Variants in PCDH11X observed in about 807,000 individuals in gnomAD.
PCDH11X encodes protocadherin-11 X-linked.
Under a neutral mutation model 53.3 loss-of-function variants are expected in PCDH11X, and 18 were observed. The ratio of observed to expected loss-of-function variants is 0.34; its 90% CI spans 0.23 to 0.50. The LOEUF (loss-of-function observed/expected upper bound fraction) is 0.50, where lower values mean the gene tolerates loss of function less well. PCDH11X is among the 20% of genes least tolerant of loss of function. The probability of loss-of-function intolerance (pLI) is 0.98; values close to 1 mark genes in which losing one functional copy is unlikely to be tolerated. For missense variants in PCDH11X, 570 were observed against 1,032.4 expected, an observed-to-expected ratio of 0.55 and a Z score of 6.14; for synonymous variants, 279 against 393.3, an observed-to-expected ratio of 0.71 and a Z score of 3.44.
intron 10 of PCDH11X, among the ~76,000 whole-genome samples, chrX:92,550,906 T>C (rs1440408699): frequency 9.2e-6 from 1 of 109,059 alleles, no homozygotes; most frequent in East Asian, 2.9e-4. Flanking sequence ...TATTGTTGCA[T>C]ATGACTGGAT....
intron 7 of PCDH11X, among the ~76,000 whole-genome samples, chrX:92,211,276 G>C (rs1447671971): frequency 1.8e-5 from 2 of 111,422 alleles, no homozygotes; most frequent in Non-Finnish European, 3.8e-5. Context: ...GGTGGGAGCA[G>C]GAGGAAGAGA....
At chrX:92,311,240 A>C (rs1376561037) in intron 8 of PCDH11X, among the ~76,000 whole-genome samples, 7 of 109,902 alleles carry the variant, frequency 6.4e-5, no homozygotes, top group Non-Finnish European at 1.3e-4. Flanking sequence ...TCTGCTTTCA[A>C]GTCAGTTTTA....
chrX:92,504,703 G>T (rs2074019007), intron 10 of PCDH11X, among the ~76,000 whole-genome samples: 1 of 112,194 alleles, frequency 8.9e-6, no homozygotes, highest in African/African-American at 3.2e-5. Flanking sequence ...TTTCCTTTAA[G>T]TTCTTTGGGA....
intron 6 of PCDH11X, among the ~76,000 whole-genome samples, chrX:91,902,697 C>G (rs950214757): frequency 9.2e-6 from 1 of 109,125 alleles, no homozygotes; most frequent in African/African-American, 3.3e-5. Flanking sequence ...ACTTCAAGCT[C>G]TACTCGCTCT....
At chrX:92,588,443 A>G (rs1421987353) in intron 10 of PCDH11X, among the ~76,000 whole-genome samples, 1 of 103,503 alleles carries the variant, frequency 9.7e-6, no homozygotes. Context: ...TATACATATA[A>G]TTTAACAAAG....
At chrX:92,192,228 G>T (rs1603146091) in intron 6 of PCDH11X, among the ~76,000 whole-genome samples, 1 of 112,505 alleles carries the variant, frequency 8.9e-6, no homozygotes, top group East Asian at 2.8e-4. Flanking sequence ...ACTCATAATT[G>T]TAATAGCCGC....
At chrX:92,347,576 C>T (rs2069931914) in intron 8 of PCDH11X, among the ~76,000 whole-genome samples, 1 of 111,691 alleles carries the variant, frequency 9.0e-6, no homozygotes, top group African/African-American at 3.3e-5. Flanking sequence ...TTCAGAGACA[C>T]TCTAAACCAT....
At chrX:92,282,478 C>T (rs940228149) in intron 8 of PCDH11X, among the ~76,000 whole-genome samples, 6 of 111,626 alleles carry the variant, frequency 5.4e-5, no homozygotes, top group African/African-American at 1.6e-4. Context: ...AAGCCTATAT[C>T]GTTCAGCTAT....
intron 6 of PCDH11X, among the ~76,000 whole-genome samples, chrX:91,930,596 A>G (rs1478442914): frequency 3.7e-5 from 4 of 107,926 alleles, no homozygotes; most frequent in African/African-American, 6.7e-5. Flanking sequence ...TCAGAAAAAA[A>G]AAACTTTGGG....
intron 10 of PCDH11X, among the ~76,000 whole-genome samples, chrX:92,515,948 G>T (rs761170040): frequency 8.9e-6 from 1 of 111,865 alleles, no homozygotes; most frequent in South Asian, 3.7e-4. Flanking sequence ...TTGTTCTCTT[G>T]CAATGTTATA....
intron 8 of PCDH11X, among the ~76,000 whole-genome samples, chrX:92,318,121 A>G (rs2069120599): frequency 1.8e-5 from 2 of 111,623 alleles, no homozygotes; most frequent in Non-Finnish European, 3.8e-5. Context: ...GTCAAATCAA[A>G]TTTGCACCAC....
intron 8 of PCDH11X, among the ~76,000 whole-genome samples, chrX:92,352,514 T>C (rs1373493164): frequency 9.0e-6 from 1 of 111,542 alleles, no homozygotes; most frequent in Non-Finnish European, 1.9e-5. Flanking sequence ...TTAGTTTGGA[T>C]CTATTGCTGG....
In PCDH11X at chrX:92,045,801, G is replaced by A. The variant is rs150011936; in HGVS notation, c.3034-155574G>A. Among the ~76,000 whole-genome samples, 735 of 109,181 alleles carry A rather than the reference G, an allele frequency of 6.7e-3. 24 individuals carry two copies. The highest frequency in any genetic ancestry group is 0.061 in the Admixed American group (606 of 9,930). The allele number at this position is 109,181 out of a possible 115,157, so 94.8% of individuals were successfully genotyped here. A position where few individuals can be genotyped will look rare whatever the true frequency, so the allele number is the denominator to read the frequency against. On this transcript the variant is annotated intron_variant, in intron 6 of 10. Coordinates refer to ENST00000682573, the MANE Select transcript of PCDH11X (RefSeq NM_032968.5). ...CTAAAAATACAAAAATCAGCCAGGC[G>A]TAGTGGTGTGTGCCTGTAATTCCAG...
chrX:91,914,704 A>C lies in PCDH11X; in HGVS notation c.3033+35431A>C, dbSNP rs185414785. On this transcript the variant is annotated intron_variant, in intron 6 of 10. Transcript: ENST00000682573. ...AATAAACCCAATCACACAAAGACAA[A>C]GAAAATAATTTTTAAATGAACAAAG... Among the ~76,000 whole-genome samples, 616 of 112,122 alleles carry C rather than the reference A, an allele frequency of 5.5e-3. 4 individuals are homozygous for C. Among genetic ancestry groups the C allele is most frequent in the African/African-American group, 0.019 (583 of 30,871 alleles).
intron 6 of PCDH11X, among the ~76,000 whole-genome samples, chrX:92,099,766 T>A (rs1384789550): frequency 9.0e-6 from 1 of 111,618 alleles, no homozygotes; most frequent in Non-Finnish European, 1.9e-5. Context: ...TATCCTGCTG[T>A]CATTCAGTGA....
intron 7 of PCDH11X, among the ~76,000 whole-genome samples, chrX:92,248,190 A>G (rs1430431384): frequency 9.0e-6 from 1 of 111,324 alleles, no homozygotes; most frequent in African/African-American, 3.3e-5. Context: ...CCCACCTAGG[A>G]AATAAACAAG....
In PCDH11X at chrX:92,196,625, T is replaced by A. The variant is rs754869538; in HGVS notation, c.3034-4750T>A. ...TTTTTCAGATATATGAAAAAAAAAATTAAAAAACCTCTAAGTAACTGGAAT... is the reference window on the plus strand; with the variant it reads ...TTTTTCAGATATATGAAAAAAAAAAATAAAAAACCTCTAAGTAACTGGAAT... On this transcript the variant is annotated intron_variant, in intron 6 of 10. Coordinates refer to ENST00000682573, the MANE Select transcript of PCDH11X (RefSeq NM_032968.5). Among the ~76,000 whole-genome samples, 317 of 111,180 alleles carry A rather than the reference T, an allele frequency of 2.9e-3. 1 individual carries two copies. Among genetic ancestry groups the A allele is most frequent in the Non-Finnish European group, 5.1e-3 (269 of 52,939 alleles).
At chrX:92,599,680 G>T (rs1040432142) in intron 10 of PCDH11X, among the ~76,000 whole-genome samples, 1 of 111,493 alleles carries the variant, frequency 9.0e-6, no homozygotes, top group African/African-American at 3.3e-5. Flanking sequence ...CAGGATTAGG[G>T]CGCTGTTATT....
At chrX:91,805,657 A>C (rs1215702803) in intron 1 of PCDH11X, among the ~76,000 whole-genome samples, 1 of 88,063 alleles carries the variant, frequency 1.1e-5, no homozygotes. Context: ...CTCTACAAAA[A>C]ACATTTTTTT....
Sources: gnomAD v4.1 joint callset for allele counts (sites outside exome capture counted in the v4.1 genomes callset) on GRCh38, gnomAD v4.1.1 for gene constraint, MANE v1.5 for transcripts, NCBI Gene and HGNC (gene_info 2026-07-23, HGNC 2026-07-21) for gene names.